PIP4K2A: variants seen among roughly 807,000 people sequenced by gnomAD.
PIP4K2A encodes the protein phosphatidylinositol 5-phosphate 4-kinase type-2 alpha.
A neutral mutation model predicts 42.9 loss-of-function variants in PIP4K2A; 14 were observed. The observed-to-expected ratio is 0.33, with a 90% confidence interval of 0.22 to 0.51. The LOEUF (loss-of-function observed/expected upper bound fraction) is 0.51. Ranked by LOEUF, PIP4K2A falls within the 20% of genes least tolerant of loss-of-function variation. The pLI, the probability that PIP4K2A is intolerant of heterozygous loss-of-function variation, is 0.97. For missense variants in PIP4K2A, 434 were observed against 519.8 expected (o/e 0.83, Z 1.61); for synonymous variants, 192 against 192.2 (o/e 1.00, Z 0.01).
intron 4 of PIP4K2A, among the ~76,000 whole-genome samples, chr10:22,582,538 T>C (rs1837303422): frequency 6.6e-6 from 1 of 152,246 alleles, no homozygotes; most frequent in South Asian, 2.1e-4. Flanking sequence ...TTAAAAAAGC[T>C]TGAAGTGACA....
At chr10:22,543,469 C>A (rs576785677) in intron 7 of PIP4K2A, among the ~76,000 whole-genome samples, 1 of 152,332 alleles carries the variant, frequency 6.6e-6, no homozygotes, top group East Asian at 1.9e-4. Flanking sequence ...TAGAGGCAAA[C>A]CCCTCGTGGA....
intron 1 of PIP4K2A, among the ~76,000 whole-genome samples, chr10:22,698,407 G>A (rs1008558218): frequency 6.6e-6 from 1 of 152,146 alleles, no homozygotes; most frequent in African/African-American, 2.4e-5. Context: ...CATGTACCAA[G>A]AGCCTTAAAA....
intron 1 of PIP4K2A, among the ~76,000 whole-genome samples, chr10:22,667,104 C>A (rs1412110463): frequency 6.6e-6 from 1 of 152,180 alleles, no homozygotes; most frequent in Non-Finnish European, 1.5e-5. Flanking sequence ...GCACAGAAGT[C>A]CTTCATCAGA....
In PIP4K2A at chr10:22,536,424, T is replaced by TA. The variant is rs916395689; in HGVS notation, c.*776dup. ...CATATTGGCCGAGGTGAAAAATGTA[T>TA]AGAGAATCACTGGGGCATCAGCTGC... On this transcript the variant is annotated 3_prime_UTR_variant, in exon 10 of 10. Coordinates refer to ENST00000376573, the MANE Select transcript of PIP4K2A (RefSeq NM_005028.5). 7.3e-5 allele frequency: 19 copies of TA among 259,070 alleles called. No homozygotes were observed. Among genetic ancestry groups the TA allele is most frequent in the Admixed American group, 1.6e-4 (3 of 18,264 alleles). The allele number at this position is 259,070 out of a possible 1,614,324, so 16.0% of individuals were successfully genotyped here. A position where few individuals can be genotyped will look rare whatever the true frequency, so the allele number is the denominator to read the frequency against.
chr10:22,644,100 CT>C (rs1017317327), intron 1 of PIP4K2A, among the ~76,000 whole-genome samples: 1 of 152,176 alleles, frequency 6.6e-6, no homozygotes, highest in Admixed American at 6.5e-5. Flanking sequence ...ATATGAAGTC[CT>C]GTTCTCCCCT....
At chr10:22,667,895 GTGTGTGTGTGTGTGTGTGTGT>G (rs1839379036) in intron 1 of PIP4K2A, among the ~76,000 whole-genome samples, 1 of 148,936 alleles carries the variant, frequency 6.7e-6, no homozygotes, top group African/African-American at 2.5e-5. Flanking sequence ...GTGTGTGTGT[GTGTGTGTGTGTGTGTGTGTGT>G]AGAGAGGGGG....
chr10:22,543,268 A>T (rs1432670301), intron 7 of PIP4K2A, among the ~76,000 whole-genome samples: 1 of 152,116 alleles, frequency 6.6e-6, no homozygotes, highest in Non-Finnish European at 1.5e-5. Flanking sequence ...TGGTGCCTGC[A>T]ATTCTCCATC....
intron 7 of PIP4K2A, 96 bp downstream of exon 7, chr10:22,550,563 G>T (rs1836382645): frequency 2.6e-6 from 2 of 767,728 alleles, no homozygotes; most frequent in Admixed American, 2.1e-5. Flanking sequence ...TTTTTGCCTT[G>T]ATTGAAGATT....
At chr10:22,707,167 G>A (rs528200291) in intron 1 of PIP4K2A, among the ~76,000 whole-genome samples, 56 of 152,260 alleles carry the variant, frequency 3.7e-4, no homozygotes, top group Admixed American at 6.5e-4. Context: ...AACTTACCAT[G>A]TGCCAGCAAC....
intron 1 of PIP4K2A, among the ~76,000 whole-genome samples, chr10:22,699,167 T>C (rs1275089430): frequency 6.6e-6 from 1 of 152,184 alleles, no homozygotes; most frequent in African/African-American, 2.4e-5. Flanking sequence ...TATGGATTTA[T>C]CATAATTTCA....
intron 1 of PIP4K2A, among the ~76,000 whole-genome samples, chr10:22,633,421 TTTTTA>T (rs1328679681): frequency 6.6e-6 from 1 of 152,194 alleles, no homozygotes; most frequent in Non-Finnish European, 1.5e-5. Context: ...TCCTCTGCTC[TTTTTA>T]TTTTACCCAC....
chr10:22,588,934 G>T (rs549960451), intron 4 of PIP4K2A, among the ~76,000 whole-genome samples: 73 of 152,300 alleles, frequency 4.8e-4, no homozygotes, highest in Non-Finnish European at 9.9e-4. Flanking sequence ...TACTGTTAAA[G>T]CCCCTGGGAG....
At chr10:22,658,470 A>T (rs143346762) in intron 1 of PIP4K2A, among the ~76,000 whole-genome samples, 8 of 152,376 alleles carry the variant, frequency 5.3e-5, no homozygotes, top group Admixed American at 6.5e-5. Flanking sequence ...TACCTGTTAA[A>T]CTGATACAAA....
At chr10:22,648,448 A>C (rs376334157) in intron 1 of PIP4K2A, among the ~76,000 whole-genome samples, 24 of 152,336 alleles carry the variant, frequency 1.6e-4, no homozygotes, top group East Asian at 9.6e-4. Flanking sequence ...CTTCATTATT[A>C]TTCTTCAATT....
intron 1 of PIP4K2A, among the ~76,000 whole-genome samples, chr10:22,610,939 G>C (rs554026359): frequency 6.6e-6 from 1 of 152,130 alleles, no homozygotes; most frequent in Non-Finnish European, 1.5e-5. Context: ...AGACAGCAAC[G>C]ACTAATTAAT....
In PIP4K2A at chr10:22,591,691, T is replaced by C. The variant is rs1036506530; in HGVS notation, c.430A>G (p.Ile144Val). ...ACGTCTTCACTGGTAATAGTCTTGA[T>C]GATGTATCTTTTGTCGTAGGAAGTG... ...FHTSYDKRYI[I>V]KTITSEDVAE... Residue 144 changes from isoleucine (I) to valine (V), a missense_variant, in exon 4 of 10, where the codon ATC (isoleucine) becomes GTC (valine). Ile to Val is a conservative substitution (Grantham distance 29, BLOSUM62 3). Coordinates refer to ENST00000376573, the MANE Select transcript of PIP4K2A (RefSeq NM_005028.5). The C allele has an allele frequency of 4.3e-6, 7 of 1,613,682 alleles. No homozygotes were observed. Among genetic ancestry groups the C allele is most frequent in the Middle Eastern group, 1.6e-4 (1 of 6,082 alleles).
chr10:22,640,891 C>A (rs1588680062), intron 1 of PIP4K2A, among the ~76,000 whole-genome samples: 1 of 151,852 alleles, frequency 6.6e-6, no homozygotes, highest in Non-Finnish European at 1.5e-5. Context: ...CCCAATGAGA[C>A]CTAGTGGGAA....
At chr10:22,552,679 C>T (rs963352757) in intron 6 of PIP4K2A, among the ~76,000 whole-genome samples, 8 of 151,652 alleles carry the variant, frequency 5.3e-5, no homozygotes, top group African/African-American at 9.7e-5. Flanking sequence ...ATTGGAAGCA[C>T]GTTAGAAAAA....
chr10:22,709,498 T>C (rs967310126), intron 1 of PIP4K2A, among the ~76,000 whole-genome samples: 6 of 152,186 alleles, frequency 3.9e-5, no homozygotes, highest in African/African-American at 1.4e-4. Flanking sequence ...GCTGGCAGAA[T>C]TAATTACTCT....
Sources: allele counts gnomAD v4.1 joint callset (sites outside exome capture counted in the v4.1 genomes callset), GRCh38; gene constraint gnomAD v4.1.1; transcripts MANE v1.5; gene names NCBI Gene and HGNC (gene_info 2026-07-23, HGNC 2026-07-21).